SYT1: variants seen among roughly 807,000 people sequenced by gnomAD.
SYT1 encodes the protein synaptotagmin-1.
SYT1 carries 8 observed loss-of-function variants against 44.8 expected under a neutral mutation model. The ratio of observed to expected loss-of-function variants is 0.18; its 90% CI spans 0.10 to 0.32. The LOEUF (loss-of-function observed/expected upper bound fraction) is 0.32, where lower values mean the gene tolerates loss of function less well. SYT1 is among the 10% of genes least tolerant of loss of function. The pLI, the probability that SYT1 is intolerant of heterozygous loss-of-function variation, is 1.00. For synonymous variants in SYT1, 154 were observed against 188.8 expected (o/e 0.82, Z 1.51); for missense variants, 286 against 509.3 (o/e 0.56, Z 4.22).
At chr12:78,978,009 G>A (rs1208782840) in intron 2 of SYT1, 78 bp downstream of exon 2, 2 of 152,206 alleles carry the variant, frequency 1.3e-5, no homozygotes, top group East Asian at 3.8e-4. Flanking sequence ...TTTTATATGT[G>A]GCGGCGGGGC....
intron 1 of SYT1, among the ~76,000 whole-genome samples, chr12:78,931,720 G>A (rs972344881): frequency 6.6e-6 from 1 of 152,144 alleles, no homozygotes; most frequent in Non-Finnish European, 1.5e-5. Flanking sequence ...TCCCTTGCTG[G>A]CAAGTACTGT....
Position 79,285,966 on chromosome 12 carries a change from G to C in SYT1, c.346G>C (p.Asp116His), listed in dbSNP as rs1418305194. ...AAAAGACTTAGGGAAGACGATGAAA[G>C]ATCAGGTAATGTATTCTTTCTACAT... ...DVKDLGKTMK[D>H]QALKDDDAET... The change falls in exon 5 of 11, where the codon GAT becomes CAT. Residue 116 changes from aspartate (D) to histidine (H), a missense_variant. Asp to His is a moderately conservative substitution (Grantham distance 81, BLOSUM62 -1). Transcript: ENST00000261205. 1.9e-6 allele frequency: 3 copies of C among 1,604,258 alleles called. No homozygotes were observed. The highest frequency in any genetic ancestry group is 1.3e-5 in the African/African-American group (1 of 74,114).
chr12:79,231,764 G>C (rs1463114171), intron 4 of SYT1, among the ~76,000 whole-genome samples: 1 of 152,122 alleles, frequency 6.6e-6, no homozygotes, highest in Non-Finnish European at 1.5e-5. Flanking sequence ...TTTTAAATCA[G>C]TTAACTATTG....
chr12:79,275,415 C>T (rs867592925), intron 4 of SYT1, among the ~76,000 whole-genome samples: 6 of 152,054 alleles, frequency 3.9e-5, no homozygotes, highest in Non-Finnish European at 8.8e-5. Context: ...GGGGTGACTG[C>T]GTCCCCAAGG....
intron 4 of SYT1, among the ~76,000 whole-genome samples, chr12:79,231,494 A>T (rs1376449654): frequency 1.3e-5 from 2 of 148,258 alleles, no homozygotes; most frequent in African/African-American, 2.5e-5. Context: ...AGTTTTTCTT[A>T]AAAAAAAAAG....
At chr12:78,957,751 T>C (rs945110528) in intron 1 of SYT1, among the ~76,000 whole-genome samples, 3 of 152,184 alleles carry the variant, frequency 2.0e-5, no homozygotes, top group Non-Finnish European at 4.4e-5. Flanking sequence ...TGCACATTTT[T>C]TTTTAAACCT....
At chr12:79,362,433 A>G (rs1337537910) in intron 9 of SYT1, among the ~76,000 whole-genome samples, 1 of 152,140 alleles carries the variant, frequency 6.6e-6, no homozygotes, top group South Asian at 2.1e-4. Context: ...TTGCTACCCC[A>G]AAAAAGGCTT....
At chr12:78,902,429 A>G (rs1387385827) in intron 1 of SYT1, among the ~76,000 whole-genome samples, 3 of 152,066 alleles carry the variant, frequency 2.0e-5, no homozygotes, top group Non-Finnish European at 2.9e-5. Flanking sequence ...GGGCAATATA[A>G]TAGGTCACAA....
At chr12:79,248,901 AAATT>A (rs1407709784) in intron 4 of SYT1, among the ~76,000 whole-genome samples, 6 of 152,186 alleles carry the variant, frequency 3.9e-5, no homozygotes, top group Non-Finnish European at 8.8e-5. Flanking sequence ...AAAATCTGTG[AAATT>A]AATTATCTGT....
chr12:79,355,141 T>TCTG (rs1186014480), intron 9 of SYT1, among the ~76,000 whole-genome samples: 2 of 152,130 alleles, frequency 1.3e-5, no homozygotes, highest in Non-Finnish European at 2.9e-5. Context: ...TTCTCCACCG[T>TCTG]CTGTCCCCTT....
At chr12:79,204,600 C>A (rs1275303247) in intron 3 of SYT1, among the ~76,000 whole-genome samples, 1 of 152,136 alleles carries the variant, frequency 6.6e-6, no homozygotes, top group Non-Finnish European at 1.5e-5. Flanking sequence ...TACCATCTTA[C>A]TATACAAAAG....
chr12:79,031,811 TCTA>T lies in SYT1; in HGVS notation c.-83-15485_-83-15483del, dbSNP rs577457668. On this transcript the variant is annotated intron_variant, in intron 2 of 10. Coordinates refer to ENST00000261205, the MANE Select transcript of SYT1 (RefSeq NM_005639.3). ...TTGGAAATCCTAATCATGGGAAATG[TCTA>T]GAATATATGCCCACATATGGCAAAG... Among the ~76,000 whole-genome samples the T allele has an allele frequency of 1.6e-3, 248 of 151,216 alleles. 1 individual carries two copies. Among genetic ancestry groups the T allele is most frequent in the African/African-American group, 5.8e-3 (240 of 41,422 alleles).
chr12:79,259,756 A>G (rs1269803217), intron 4 of SYT1, among the ~76,000 whole-genome samples: 2 of 152,128 alleles, frequency 1.3e-5, no homozygotes, highest in African/African-American at 4.8e-5. Flanking sequence ...AAAAACTCAT[A>G]TTTATTTTCA....
intron 2 of SYT1, among the ~76,000 whole-genome samples, chr12:78,983,198 A>T (rs1869398066): frequency 6.6e-6 from 1 of 151,806 alleles, no homozygotes; most frequent in Non-Finnish European, 1.5e-5. Flanking sequence ...CTCTTTTAAG[A>T]TTTTCCATCA....
intron 3 of SYT1, among the ~76,000 whole-genome samples, chr12:79,163,077 C>A (rs759210350): frequency 3.9e-5 from 6 of 152,060 alleles, no homozygotes; most frequent in Non-Finnish European, 8.8e-5. Context: ...CAGCACCCTG[C>A]AAATAACCAC....
chr12:79,294,900 A>T (rs1200582689), intron 6 of SYT1, among the ~76,000 whole-genome samples: 3 of 152,142 alleles, frequency 2.0e-5, no homozygotes. Context: ...CAAAAAAAAA[A>T]AAAGATATTG....
At chr12:78,932,555 CA>C (rs1877814306) in intron 1 of SYT1, among the ~76,000 whole-genome samples, 1 of 152,082 alleles carries the variant, frequency 6.6e-6, no homozygotes, top group Admixed American at 6.6e-5. Context: ...ATTGAAAAAC[CA>C]AATTCCACCT....
intron 3 of SYT1, among the ~76,000 whole-genome samples, chr12:79,177,031 A>AT (rs1397088706): frequency 0.015 from 1,071 of 70,302 alleles, 13 homozygotes; most frequent in African/African-American, 0.055. Flanking sequence ...GTAAAAGCAT[A>AT]TTTCTTTTTT....
intron 1 of SYT1, among the ~76,000 whole-genome samples, chr12:78,872,837 A>T (rs1046369156): frequency 6.6e-6 from 1 of 151,702 alleles, no homozygotes; most frequent in African/African-American, 2.4e-5. Context: ...GCAGCCTTTT[A>T]ATTTGTTTAT....
Sources: gnomAD v4.1 joint callset for allele counts (sites outside exome capture counted in the v4.1 genomes callset) on GRCh38, gnomAD v4.1.1 for gene constraint, MANE v1.5 for transcripts, NCBI Gene and HGNC (gene_info 2026-07-23, HGNC 2026-07-21) for gene names.